The following ATAD3C variants were observed in gnomAD, a reference collection of about 807,000 sequenced individuals.
ATAD3C encodes ATPase family AAA domain-containing protein 3C.
ATAD3C carries 38 observed loss-of-function variants against 46.3 expected under a neutral mutation model. That is an observed-to-expected ratio of 0.82 (90% confidence interval 0.63 to 1.08). ATAD3C has a LOEUF of 1.08. Among genes scored for constraint, ATAD3C ranks in the 50% least tolerant of loss-of-function variants. ATAD3C has a pLI of 0.00. For synonymous variants in ATAD3C, 220 were observed against 236.4 expected (o/e 0.93, Z 0.63); for missense variants, 563 against 572.7 (o/e 0.98, Z 0.17).
chr1:1,459,212 A>T lies in ATAD3C; in HGVS notation c.793A>T (p.Thr265Ser), dbSNP rs1298524381. 6.2e-7 allele frequency: 1 copy of T among 1,612,356 alleles called. No individual in the cohort carries two copies. Among genetic ancestry groups the T allele is most frequent in the Admixed American group, 1.7e-5 (1 of 59,832 alleles). ...CACACTGAACGCCTTCCTGTACCGC[A>T]CGGGCCAGCACAGCAACAAGTGAGG... The part of the protein sequence containing the change: ...RATLNAFLYR[T>S]GQHSNKFMLI... Residue 265 changes from threonine (T) to serine (S), a missense_variant, in exon 9 of 12, where the codon ACG becomes TCG. Around this residue, in one of 3 missense-constraint regions of ATAD3C, gnomAD observed 273 missense variants for 253.5 expected, o/e 1.08. Transcript: ENST00000378785. The surrounding 1 kb of genome is among the most constrained non-coding windows in gnomAD (Gnocchi z 4.9).
chr1:1,452,932 T>G (rs1638888562), intron 3 of ATAD3C, among the ~76,000 whole-genome samples: 1 of 152,002 alleles, frequency 6.6e-6, no homozygotes, highest in African/African-American at 2.4e-5. Flanking sequence ...CTTTAAAGCC[T>G]CACTCTTTTG....
chr1:1,456,977 G>A (rs1484606175), intron 7 of ATAD3C, among the ~76,000 whole-genome samples, 152 bp from the exon 8 acceptor site: 2 of 152,064 alleles, frequency 1.3e-5, no homozygotes, highest in Non-Finnish European at 2.9e-5. Context: ...CGGTGGATCA[G>A]CTTCTGTCAG....
At chr1:1,453,861 C>G (rs1393933274) in intron 3 of ATAD3C, among the ~76,000 whole-genome samples, 1 of 150,222 alleles carries the variant, frequency 6.7e-6, no homozygotes, top group Admixed American at 6.7e-5. Context: ...GGCTGGTCTT[C>G]AACTCTCGAC....
intron 4 of ATAD3C, among the ~76,000 whole-genome samples, 166 bp from the exon 5 acceptor site, chr1:1,455,294 G>A (rs1357202910): frequency 1.3e-5 from 2 of 150,176 alleles, no homozygotes; most frequent in Non-Finnish European, 3.0e-5. Context: ...CCCAATCCCT[G>A]CAACAGACAC....
chr1:1,452,420 A>G lies in ATAD3C; in HGVS notation c.208A>G (p.Lys70Glu). 1.2e-6 allele frequency: 2 copies of G among 1,613,712 alleles called. No homozygotes were observed. Among genetic ancestry groups the G allele is most frequent in the Non-Finnish European group, 1.7e-6 (2 of 1,179,698 alleles). Residue 70 changes from lysine (K) to glutamate (E), a missense_variant, in exon 3 of 12, where the codon AAA (lysine) becomes GAA (glutamate). Transcript: ENST00000378785. ...CCGTGCCTTTGTGACAGACCGGGAC[A>G]AAGTGACAGCCACGGTAAACATACT... Reference protein sequence around the residue: ...GFRAFVTDRDKVTATVAGLTL... With the variant: ...GFRAFVTDRDEVTATVAGLTL...
chr1:1,468,477 C>T lies in ATAD3C; in HGVS notation c.1183C>T (p.Arg395Cys), dbSNP rs767534897. The T allele has an allele frequency of 9.3e-6, 15 of 1,612,124 alleles. No individual in the cohort carries two copies. Among genetic ancestry groups the T allele is most frequent in the Admixed American group, 8.4e-5 (5 of 59,574 alleles). ...TGTCCAGCAGCACCAGCAGATGATG[C>T]GCTGGCTGAAGGGGGAGAGGCCTGG... Reference protein sequence around the residue: ...DFVQQHQQMMRWLKGERPGPE... With the variant: ...DFVQQHQQMMCWLKGERPGPE... The change falls in exon 12 of 12, where the codon CGC becomes TGC. Residue 395 changes from arginine to cysteine, a missense_variant. Arg to Cys is a radical substitution (Grantham distance 180, BLOSUM62 -3). Around this residue, in one of 3 missense-constraint regions of ATAD3C, gnomAD observed 273 missense variants for 253.5 expected, o/e 1.08. Coordinates refer to ENST00000378785, the MANE Select transcript of ATAD3C (RefSeq NM_001039211.3).
Position 1,459,476 on chromosome 1 carries a change from C to G in ATAD3C, c.812+245C>G, listed in dbSNP as rs571844284. Among the ~76,000 whole-genome samples, 15 of 151,896 alleles carry G rather than the reference C, an allele frequency of 9.9e-5. 1 individual carries two copies. The highest frequency in any genetic ancestry group is 2.6e-4 in the Admixed American group (4 of 15,240). ...GTCCTGTCCTCACGGCCCTGTGCAC[C>G]GCCGCCCCAGCTTGCAGGTCCCTCT... On this transcript the variant is annotated intron_variant, in intron 9 of 11. Coordinates refer to ENST00000378785, the MANE Select transcript of ATAD3C (RefSeq NM_001039211.3). This position sits in a 1 kb window ranked among gnomAD's most constrained non-coding sequence, Gnocchi z 4.9.
chr1:1,457,779 G>T (rs1022294581), intron 8 of ATAD3C, among the ~76,000 whole-genome samples: 4 of 149,356 alleles, frequency 2.7e-5, no homozygotes, highest in Non-Finnish European at 5.9e-5. Flanking sequence ...CCCAGTGCAA[G>T]CGATTCTCCT....
At chr1:1,450,894 C>A in intron 1 of ATAD3C, 136 bp downstream of exon 1, 2 of 1,381,756 alleles carry the variant, frequency 1.4e-6, no homozygotes, top group Non-Finnish European at 2.0e-6. Flanking sequence ...CAAGCTTGGG[C>A]GCCTCATTTC....
intron 5 of ATAD3C, 119 bp from the exon 6 acceptor site, chr1:1,455,672 C>T (rs974340703): frequency 6.4e-7 from 1 of 1,558,590 alleles, no homozygotes; most frequent in South Asian, 1.2e-5. Flanking sequence ...GATAGGCTGC[C>T]CACGAGCTGG....
intron 11 of ATAD3C, among the ~76,000 whole-genome samples, chr1:1,467,941 C>T (rs998470294): frequency 6.6e-6 from 1 of 152,060 alleles, no homozygotes; most frequent in African/African-American, 2.4e-5. Flanking sequence ...GCCTTGGTGC[C>T]ACCAGCCACG....
chr1:1,454,878 CG>C (rs1557777176), intron 4 of ATAD3C, among the ~76,000 whole-genome samples: 1 of 151,866 alleles, frequency 6.6e-6, no homozygotes, highest in African/African-American at 2.4e-5. Flanking sequence ...GCTCTCCACA[CG>C]GGGGTGGCAG....
At chr1:1,458,052 C>T (rs752809298) in intron 8 of ATAD3C, among the ~76,000 whole-genome samples, 60 of 152,030 alleles carry the variant, frequency 3.9e-4, no homozygotes, top group Non-Finnish European at 6.9e-4. Flanking sequence ...AATCTTGGCT[C>T]GCTGCAACCT....
In ATAD3C at chr1:1,450,385, C is replaced by A; in HGVS notation, c.-299C>A. 1 of 340,274 alleles carries A rather than the reference C, an allele frequency of 2.9e-6. No homozygotes were observed. Among genetic ancestry groups the A allele is most frequent in the Non-Finnish European group, 5.5e-6 (1 of 180,408 alleles). The allele number at this position is 340,274 out of a possible 1,614,324, so 21.1% of individuals were successfully genotyped here. A position where few individuals can be genotyped will look rare whatever the true frequency, so the allele number is the denominator to read the frequency against. On this transcript the variant is annotated 5_prime_UTR_variant, in exon 1 of 12. Transcript: ENST00000378785. ...AATGGACACTTTAGCCATCGCCTGA[C>A]TTTCTGTTGAATTGGGAAAGAGCCT...
chr1:1,458,907 G>GAC (rs1248564256), intron 8 of ATAD3C, among the ~76,000 whole-genome samples: 2 of 151,720 alleles, frequency 1.3e-5, no homozygotes, highest in Non-Finnish European at 2.9e-5. Flanking sequence ...TTTTAGTAGA[G>GAC]ACGGGGTCTC....
In ATAD3C at chr1:1,468,261, T is replaced by C. The variant is rs531004464; in HGVS notation, c.1090-123T>C. ...GCTCTGCCGAGGTGCGGGTAGCCTG[T>C]GTTTCACGCTCAGGCCATCCTGGAG... On this transcript the variant is annotated intron_variant, in intron 11 of 11. Coordinates refer to ENST00000378785, the MANE Select transcript of ATAD3C (RefSeq NM_001039211.3). 210 of 1,421,444 alleles carry C rather than the reference T, an allele frequency of 1.5e-4. 1 individual carries two copies. In the African/African-American group the frequency reaches 2.8e-3, roughly 19 times the overall value. 88.1% of individuals were successfully genotyped at this position (1,421,444 alleles called of 1,614,324 possible). A position where few individuals can be genotyped will look rare whatever the true frequency, so the allele number is the denominator to read the frequency against.
intron 11 of ATAD3C, among the ~76,000 whole-genome samples, chr1:1,464,573 C>T (rs2649600): frequency 0.018 from 2,678 of 151,968 alleles, 90 homozygotes; most frequent in African/African-American, 0.061. Flanking sequence ...GAGTTCAAGA[C>T]CAGCCTGGCC....
chr1:1,450,951 C>A (rs1026060035), intron 1 of ATAD3C, among the ~76,000 whole-genome samples, 193 bp downstream of exon 1: 2 of 151,794 alleles, frequency 1.3e-5, no homozygotes, highest in South Asian at 4.2e-4. Flanking sequence ...CAGAGCCGCC[C>A]GAGAGGGAGG....
chr1:1,455,433 C>T, intron 4 of ATAD3C, 27 bp from the exon 5 acceptor site: 2 of 1,609,890 alleles, frequency 1.2e-6, no homozygotes, highest in South Asian at 1.1e-5. Context: ...GGCAGGTGAC[C>T]CAATGGTGCT....
Sources: gnomAD v4.1 joint callset for allele counts (sites outside exome capture counted in the v4.1 genomes callset) on GRCh38, gnomAD v4.1.1 for gene constraint, gnomAD v4.1.1 regional missense constraint, Gnocchi (gnomAD v3.1) non-coding constraint, MANE v1.5 for transcripts, NCBI Gene and HGNC (gene_info 2026-07-23, HGNC 2026-07-21) for gene names.